The following DNAH6 variants were observed in gnomAD, a reference collection of about 807,000 sequenced individuals.
DNAH6 encodes the protein dynein axonemal heavy chain 6, also known as axonemal beta dynein heavy chain 6.
In DNAH6, 340 loss-of-function variants were observed where a neutral mutation model predicts 491.4. That is an observed-to-expected ratio of 0.69 (90% CI 0.63 to 0.76). The LOEUF (loss-of-function observed/expected upper bound fraction) is 0.76, where lower values mean the gene tolerates loss of function less well. DNAH6 is among the 30% of genes least tolerant of loss of function. DNAH6 has a pLI of 0.00. For missense variants in DNAH6, 4,443 were observed against 4,972.2 expected (o/e 0.89, Z 3.20); for synonymous variants, 1,603 against 1,686.1 (o/e 0.95, Z 1.21).
intron 17 of DNAH6, among the ~76,000 whole-genome samples, 183 bp from the exon 18 acceptor site, chr2:84,595,463 G>C: frequency 6.6e-6 from 1 of 152,080 alleles, no homozygotes; most frequent in South Asian, 2.1e-4. Flanking sequence ...TGGGAGGCAA[G>C]AACATGAAAG....
rs570637024 is a variant in DNAH6 at position 84,529,654 on chromosome 2, T to G, written c.662+488T>G. Among the ~76,000 whole-genome samples, 3 of 152,318 alleles carry G rather than the reference T, an allele frequency of 2.0e-5. No individual in the cohort carries two copies. The South Asian group carries it at 6.2e-4, about 32-fold the overall frequency. ...TGTTGCCGCACATTTGTTGTTGATA[T>G]AATTGGAAGTCACATAATTGTGAGT... On this transcript the variant is annotated intron_variant, in intron 4 of 76. Coordinates refer to ENST00000389394, the MANE Select transcript of DNAH6 (RefSeq NM_001370.2).
intron 15 of DNAH6, among the ~76,000 whole-genome samples, chr2:84,585,180 A>C (rs189864046): frequency 6.6e-6 from 1 of 152,226 alleles, no homozygotes; most frequent in Non-Finnish European, 1.5e-5. Flanking sequence ...AAAAGTGTAC[A>C]TAACTAATTA....
intron 76 of DNAH6, 99 bp downstream of exon 76, chr2:84,816,182 C>A: frequency 1.1e-6 from 1 of 920,168 alleles, no homozygotes. Context: ...CTCCCTTGGG[C>A]CAATAAACTA....
chr2:84,464,290 G>T, the DNAH6 span, among the ~76,000 whole-genome samples: 13 of 152,092 alleles, frequency 8.5e-5, no homozygotes, highest in Admixed American at 8.5e-4. Flanking sequence ...ATCCCCGCTC[G>T]CCAAAACATA....
intron 61 of DNAH6, among the ~76,000 whole-genome samples, chr2:84,730,616 G>A (rs1476612418): frequency 7.2e-5 from 11 of 152,100 alleles, no homozygotes; most frequent in Non-Finnish European, 1.6e-4. Context: ...TTTGTGTTGG[G>A]CCACATTCAA....
Position 84,718,374 on chromosome 2 carries a change from A to G in DNAH6, c.9782A>G (p.Gln3261Arg). The G allele has an allele frequency of 6.6e-7, 1 of 1,525,606 alleles. No homozygotes were observed. The highest frequency in any genetic ancestry group is 1.3e-5 in the South Asian group (1 of 78,678). The allele number at this position is 1,525,606 out of a possible 1,614,324, so 94.5% of individuals were successfully genotyped here. The change falls in exon 59 of 77, where the codon CAG becomes CGG. Residue 3261 changes from glutamine (Q) to arginine (R), a missense_variant. Physicochemically the swap from Gln to Arg is conservative, Grantham distance 43. Transcript: ENST00000389394. Reference sequence around the variant, plus strand: ...AATGAAGAACTTATTGACACACTCCAGGATTCAAAGGCAAGTAAAATATTT... The same window carrying G: ...AATGAAGAACTTATTGACACACTCCGGGATTCAAAGGCAAGTAAAATATTT... Reference protein sequence around the residue: ...LDNEELIDTLQDSKITSGAIK... With the variant: ...LDNEELIDTLRDSKITSGAIK...
In DNAH6 at chr2:84,658,991, T is replaced by C. The variant is rs758856915; in HGVS notation, c.5941-35T>C. The C allele has an allele frequency of 5.6e-6, 7 of 1,248,822 alleles. No individual in the cohort carries two copies. The South Asian group carries it at 7.6e-5, about 13-fold the overall frequency. 77.4% of individuals were successfully genotyped at this position (1,248,822 alleles called of 1,614,324 possible). A position where few individuals can be genotyped will look rare whatever the true frequency, so the allele number is the denominator to read the frequency against. On this transcript the variant is annotated intron_variant, in intron 36 of 76. Transcript: ENST00000389394. Reference sequence around the variant, plus strand: ...TTAGGATTCTTTTTATGTTCATATATAAAATATTAAGTCTGTTTCTCTTTA... The same window carrying C: ...TTAGGATTCTTTTTATGTTCATATACAAAATATTAAGTCTGTTTCTCTTTA...
chr2:84,817,459 T>C (rs1436410775), intron 76 of DNAH6, among the ~76,000 whole-genome samples: 1 of 152,142 alleles, frequency 6.6e-6, no homozygotes, highest in Admixed American at 6.5e-5. Context: ...TCACTGACCT[T>C]CTATTTTGAA....
rs1008978045 is a variant in DNAH6 at position 84,601,644 on chromosome 2, AT to A, written c.2869-2688del. Among the ~76,000 whole-genome samples the A allele has an allele frequency of 2.9e-4, 3 of 10,242 alleles. No individual in the cohort carries two copies. The African/African-American group carries it at 3.6e-3, about 12-fold the overall frequency. 6.7% of individuals were successfully genotyped at this position (10,242 alleles called of 152,430 possible). A position where few individuals can be genotyped will look rare whatever the true frequency, so the allele number is the denominator to read the frequency against. Reference sequence around the variant, plus strand: ...TTTAGATAGCATAGAATTGATTCCTATTTTTTTAATCCAGTCTGACATTCTT... The same window carrying A: ...TTTAGATAGCATAGAATTGATTCCTATTTTTTAATCCAGTCTGACATTCTT... On this transcript the variant is annotated intron_variant, in intron 18 of 76. Coordinates refer to ENST00000389394, the MANE Select transcript of DNAH6 (RefSeq NM_001370.2).
intron 39 of DNAH6, 69 bp downstream of exon 39, chr2:84,670,544 C>A (rs1692630404): frequency 6.6e-6 from 7 of 1,065,346 alleles, no homozygotes; most frequent in Non-Finnish European, 9.5e-6. Flanking sequence ...ATAAATAGTG[C>A]ATGTAATAAA....
chr2:84,740,366 C>A (rs1442766984), intron 62 of DNAH6, among the ~76,000 whole-genome samples: 1 of 152,194 alleles, frequency 6.6e-6, no homozygotes, highest in Non-Finnish European at 1.5e-5. Context: ...TAGGGCAGAG[C>A]TGCTGGAGAA....
chr2:84,480,019 G>T, the DNAH6 span, among the ~76,000 whole-genome samples: 117 of 152,312 alleles, frequency 7.7e-4, no homozygotes, highest in African/African-American at 2.6e-3. Context: ...GATGGGGTCT[G>T]TTTGGCCTTA....
intron 4 of DNAH6, among the ~76,000 whole-genome samples, chr2:84,534,577 GT>G (rs201327371): frequency 3.0e-4 from 45 of 151,120 alleles, no homozygotes; most frequent in African/African-American, 1.1e-3. Flanking sequence ...TCCTTGTTCA[GT>G]TTTTTTTTAA....
rs1573533010 is a variant in DNAH6 at position 84,701,070 on chromosome 2, T to C, written c.7819-27T>C. On this transcript the variant is annotated intron_variant, in intron 48 of 76. Transcript: ENST00000389394. ...TATGTTATTGAAATGACACAACAGA[T>C]TTTCTAGATTTTTCCTTGATTCACA... is the stretch of plus-strand genomic sequence containing the variant. The C allele has an allele frequency of 1.9e-6, 3 of 1,543,076 alleles. No individual in the cohort carries two copies. The African/African-American group carries it at 4.1e-5, about 21-fold the overall frequency.
intron 64 of DNAH6, among the ~76,000 whole-genome samples, chr2:84,778,439 A>G (rs1676365413): frequency 6.6e-6 from 1 of 151,320 alleles, no homozygotes; most frequent in African/African-American, 2.4e-5. Flanking sequence ...TTGTTTTTCT[A>G]GTTCCTCTAA....
chr2:84,517,930 G>A lies in DNAH6; in HGVS notation c.104G>A (p.Arg35Lys). 1 of 1,551,750 alleles carries A rather than the reference G, an allele frequency of 6.4e-7. No homozygotes were observed. Among genetic ancestry groups the A allele is most frequent in the Non-Finnish European group, 8.7e-7 (1 of 1,146,970 alleles). ...SRLNNIKAKQ[R>K]VSYVTSTENE... ...CTGAATAATATAAAAGCCAAACAAAGAGTGAGTTATGTGACATCCACAGAA... is the reference window on the plus strand; with the variant it reads ...CTGAATAATATAAAAGCCAAACAAAAAGTGAGTTATGTGACATCCACAGAA... Residue 35 changes from arginine (R) to lysine (K), a missense_variant, in exon 2 of 77, where the codon AGA becomes AAA. This residue lies in a region of DNAH6 where 2,977 missense variants were observed against 3,296.6 expected (regional missense o/e 0.90). Transcript: ENST00000389394.
chr2:84,554,109 A>C (rs193262861), intron 10 of DNAH6, among the ~76,000 whole-genome samples: 54 of 152,300 alleles, frequency 3.5e-4, no homozygotes, highest in Admixed American at 3.0e-3. Flanking sequence ...CTCTCTAGGC[A>C]GTTTACAATA....
At chr2:84,459,805 T>G in the DNAH6 span, 3,379 of 152,708 alleles carry the variant, frequency 0.022, 40 homozygotes, top group East Asian at 0.05. Flanking sequence ...GGGTTGCCGC[T>G]GGGGACGGGA....
chr2:84,497,159 C>A, the DNAH6 span, among the ~76,000 whole-genome samples: 1 of 151,960 alleles, frequency 6.6e-6, no homozygotes, highest in African/African-American at 2.4e-5. Flanking sequence ...TTAGTAGAGA[C>A]GGAGTTTCAC....
Sources: gnomAD v4.1 joint callset for allele counts (sites outside exome capture counted in the v4.1 genomes callset) on GRCh38, gnomAD v4.1.1 for gene constraint, gnomAD v4.1.1 regional missense constraint, MANE v1.5 for transcripts, NCBI Gene and HGNC (gene_info 2026-07-23, HGNC 2026-07-21) for gene names.